Variants in CAMTA1 observed in about 807,000 individuals in gnomAD.
CAMTA1 encodes calmodulin-binding transcription activator 1.
In CAMTA1, 27 loss-of-function variants were observed where a neutral mutation model predicts 170.9. The ratio of observed to expected loss-of-function variants is 0.16; its 90% CI spans 0.12 to 0.22. CAMTA1 has a LOEUF of 0.22. CAMTA1 is among the 10% of genes least tolerant of loss of function. CAMTA1 has a pLI of 1.00. For missense variants in CAMTA1, 1,619 were observed against 2,217.2 expected, an observed-to-expected ratio of 0.73 and a Z score of 5.42; for synonymous variants, 833 against 891.5, an observed-to-expected ratio of 0.93 and a Z score of 1.17.
At chr1:6,905,722 G>C (rs756804228) in intron 3 of CAMTA1, among the ~76,000 whole-genome samples, 4 of 152,104 alleles carry the variant, frequency 2.6e-5, no homozygotes, top group Non-Finnish European at 5.9e-5. Flanking sequence ...ATTGTGCTTT[G>C]TCTCTTATTA....
intron 5 of CAMTA1, among the ~76,000 whole-genome samples, chr1:7,383,051 T>C (rs1412026052): frequency 6.6e-6 from 1 of 152,194 alleles, no homozygotes; most frequent in Non-Finnish European, 1.5e-5. Context: ...TCCATGCTTG[T>C]GTGGAGCTTA....
rs1398604545 is a variant in CAMTA1 at position 7,010,189 on chromosome 1, C to T, written c.235-81115C>T. ...CTGCTGCGAGGAGGGCTTCCTGGAG[C>T]TTGGGGAAGCTTCAGTCCAGAGAAG... On this transcript the variant is annotated intron_variant, in intron 3 of 22. Coordinates refer to ENST00000303635, the MANE Select transcript of CAMTA1 (RefSeq NM_015215.4). This position sits in a 1 kb window ranked among gnomAD's most constrained non-coding sequence, Gnocchi z 4.4. Among the ~76,000 whole-genome samples, 1 of 152,206 alleles carries T rather than the reference C, an allele frequency of 6.6e-6. No individual in the cohort carries two copies. The highest frequency in any genetic ancestry group is 1.5e-5 in the Non-Finnish European group (1 of 68,044).
chr1:7,114,060 C>T (rs1039613856), intron 4 of CAMTA1, among the ~76,000 whole-genome samples: 5 of 152,200 alleles, frequency 3.3e-5, no homozygotes, highest in Admixed American at 3.3e-4. Context: ...ATCCTCTCTC[C>T]TTGGACTTTG....
rs1289967966 is a variant in CAMTA1, at chr1:7,147,830, CAA to C, written c.302+56461_302+56462del. On this transcript the variant is annotated intron_variant, in intron 4 of 22. Coordinates refer to ENST00000303635, the MANE Select transcript of CAMTA1 (RefSeq NM_015215.4). ...CACATTCATACACCATGCACACACA[CAA>C]ACTCATATACCATGCACACACACAC... 2.0e-5 allele frequency among the ~76,000 whole-genome samples: 3 copies of C among 150,608 alleles called. 1 individual carries two copies. Among genetic ancestry groups the C allele is most frequent in the Non-Finnish European group, 4.4e-5 (3 of 67,606 alleles).
chr1:6,888,045 C>T, intron 3 of CAMTA1: 2 of 1,105,734 alleles, frequency 1.8e-6, no homozygotes, highest in Non-Finnish European at 2.2e-6. Flanking sequence ...CTTCCTAGCA[C>T]CTGCCCCAGC....
intron 10 of CAMTA1, among the ~76,000 whole-genome samples, chr1:7,676,658 A>G (rs1192898777): frequency 1.3e-5 from 2 of 152,214 alleles, no homozygotes; most frequent in Admixed American, 6.5e-5. Context: ...GGCCCTGGGT[A>G]TCAGTATCTG....
intron 5 of CAMTA1, among the ~76,000 whole-genome samples, chr1:7,344,199 G>C (rs1268123687): frequency 6.6e-6 from 1 of 152,210 alleles, no homozygotes; most frequent in African/African-American, 2.4e-5. Flanking sequence ...GGCCTGAAGG[G>C]GCCTGGGCCT....
chr1:7,370,900 C>CTT (rs2086389802), intron 5 of CAMTA1, among the ~76,000 whole-genome samples: 1 of 83,876 alleles, frequency 1.2e-5, no homozygotes, highest in Non-Finnish European at 2.4e-5. Flanking sequence ...ATGGCACTTT[C>CTT]TTTTTCTTTC....
chr1:7,715,445 T>TC (rs1238556754), intron 11 of CAMTA1, among the ~76,000 whole-genome samples: 1 of 151,776 alleles, frequency 6.6e-6, no homozygotes, highest in Non-Finnish European at 1.5e-5. Flanking sequence ...TTTTTTTTTT[T>TC]TTCTTGAGGC....
chr1:6,965,935 T>C lies in CAMTA1; in HGVS notation c.235-125369T>C, dbSNP rs1029764110. Among the ~76,000 whole-genome samples, 2 of 152,154 alleles carry C rather than the reference T, an allele frequency of 1.3e-5. No individual in the cohort carries two copies. The highest frequency in any genetic ancestry group is 2.9e-5 in the Non-Finnish European group (2 of 68,030). On this transcript the variant is annotated intron_variant, in intron 3 of 22. Coordinates refer to ENST00000303635, the MANE Select transcript of CAMTA1 (RefSeq NM_015215.4). The surrounding 1 kb of genome is among the most constrained non-coding windows in gnomAD (Gnocchi z 4.1). ...TCCTGTGGAAACTAGATTTTCTGTCTTGGGATCTTTCTGGGACTGGTCGCA... is the reference window on the plus strand; with the variant it reads ...TCCTGTGGAAACTAGATTTTCTGTCCTGGGATCTTTCTGGGACTGGTCGCA...
Position 7,426,785 on chromosome 1 carries a change from C to T in CAMTA1, c.439-41045C>T, listed in dbSNP as rs2149340757. The stretch of plus-strand genomic sequence containing the variant: ...TTTGTGCCTGGTTGCAGCATATTAG[C>T]TTGCACGTGACTTAAAAATAATGGC... On this transcript the variant is annotated intron_variant, in intron 5 of 22. Coordinates refer to ENST00000303635, the MANE Select transcript of CAMTA1 (RefSeq NM_015215.4). This position sits in a 1 kb window ranked among gnomAD's most constrained non-coding sequence, Gnocchi z 4.8. Among the ~76,000 whole-genome samples, 1 of 152,284 alleles carries T rather than the reference C, an allele frequency of 6.6e-6. No individual in the cohort carries two copies. The highest frequency in any genetic ancestry group is 1.5e-5 in the Non-Finnish European group (1 of 68,030).
chr1:7,437,877 G>C (rs1462781384), intron 5 of CAMTA1, among the ~76,000 whole-genome samples: 1 of 152,242 alleles, frequency 6.6e-6, no homozygotes, highest in Non-Finnish European at 1.5e-5. Context: ...CAGGCCGCAC[G>C]ACAGCCAAGG....
chr1:7,657,044 T>C (rs1030798604), intron 7 of CAMTA1, among the ~76,000 whole-genome samples: 1 of 152,174 alleles, frequency 6.6e-6, no homozygotes, highest in Admixed American at 6.5e-5. Flanking sequence ...CCGGCCTGTG[T>C]TTCACGGGGC....
At chr1:6,956,379 T>A (rs1188732196) in intron 3 of CAMTA1, among the ~76,000 whole-genome samples, 1 of 152,150 alleles carries the variant, frequency 6.6e-6, no homozygotes, top group East Asian at 1.9e-4. Context: ...GGGTCCCAAG[T>A]GTCATTTCTC....
intron 11 of CAMTA1, among the ~76,000 whole-genome samples, chr1:7,679,398 T>A (rs2096160970): frequency 6.6e-6 from 1 of 152,056 alleles, no homozygotes; most frequent in Admixed American, 6.5e-5. Context: ...GCAGGCCCCC[T>A]GGAAACCCAG....
intron 7 of CAMTA1, among the ~76,000 whole-genome samples, chr1:7,660,729 C>T (rs1373917107): frequency 6.6e-6 from 1 of 152,188 alleles, no homozygotes; most frequent in Non-Finnish European, 1.5e-5. Context: ...GGAGGAAGGA[C>T]ATTGCTCTTG....
At chr1:7,605,807 TA>T (rs2095481694) in intron 6 of CAMTA1, among the ~76,000 whole-genome samples, 1 of 152,212 alleles carries the variant, frequency 6.6e-6, no homozygotes. Context: ...GAGCTGTTCC[TA>T]TTTGGTCATC....
intron 3 of CAMTA1, among the ~76,000 whole-genome samples, chr1:6,977,772 C>A (rs1020812356): frequency 6.6e-6 from 1 of 152,114 alleles, no homozygotes; most frequent in East Asian, 1.9e-4. Context: ...GCCTAAGTCA[C>A]GTATCTAAAA....
At chr1:7,398,181 CTCTCTCT>C (rs2089513902) in intron 5 of CAMTA1, among the ~76,000 whole-genome samples, 21 of 45,574 alleles carry the variant, frequency 4.6e-4, no homozygotes, top group African/African-American at 1.8e-3. Context: ...CTCTCTCTCT[CTCTCTCT>C]CTCTCTATAT....
Sources: allele counts gnomAD v4.1 joint callset (sites outside exome capture counted in the v4.1 genomes callset), GRCh38; gene constraint gnomAD v4.1.1; non-coding constraint Gnocchi (gnomAD v3.1); transcripts MANE v1.5; gene names NCBI Gene and HGNC (gene_info 2026-07-23, HGNC 2026-07-21).